The following SFXN5 variants were observed in gnomAD, a reference collection of about 807,000 sequenced individuals.
SFXN5 encodes the protein sideroflexin-5.
Under a neutral mutation model 50.2 loss-of-function variants are expected in SFXN5, and 43 were observed. That is an observed-to-expected ratio of 0.86 (90% CI 0.67 to 1.11). The LOEUF (loss-of-function observed/expected upper bound fraction) is 1.11, where lower values mean the gene tolerates loss of function less well. Among genes scored for constraint, SFXN5 ranks in the 50% least tolerant of loss-of-function variants. The probability of loss-of-function intolerance (pLI) is 0.00; values close to 1 mark genes in which losing one functional copy is unlikely to be tolerated. For missense variants in SFXN5, 463 were observed against 454.1 expected (o/e 1.02, Z -0.18); for synonymous variants, 203 against 185.8 (o/e 1.09, Z -0.75).
chr2:73,038,718 G>A (rs1679257844), intron 3 of SFXN5, among the ~76,000 whole-genome samples: 1 of 151,996 alleles, frequency 6.6e-6, no homozygotes, highest in African/African-American at 2.4e-5. Context: ...TGACTCTTTT[G>A]TAATACTTAG....
chr2:73,010,981 A>T (rs754977348), intron 6 of SFXN5, among the ~76,000 whole-genome samples: 6 of 152,358 alleles, frequency 3.9e-5, no homozygotes, highest in Admixed American at 3.9e-4. Context: ...ACCAACCACA[A>T]ACAAAGAAAG....
At chr2:73,014,072 T>C (rs947220365) in intron 6 of SFXN5, among the ~76,000 whole-genome samples, 6 of 152,196 alleles carry the variant, frequency 3.9e-5, no homozygotes, top group African/African-American at 1.4e-4. Flanking sequence ...TATTCATAAA[T>C]GTCGCCCTTG....
At chr2:73,050,405 CA>C (rs1681133143) in intron 2 of SFXN5, among the ~76,000 whole-genome samples, 1 of 152,032 alleles carries the variant, frequency 6.6e-6, no homozygotes, top group Non-Finnish European at 1.5e-5. Flanking sequence ...CACACACACA[CA>C]CACACACACA....
chr2:73,006,082 G>C (rs1323847022), intron 6 of SFXN5, among the ~76,000 whole-genome samples: 1 of 152,172 alleles, frequency 6.6e-6, no homozygotes, highest in East Asian at 1.9e-4. Flanking sequence ...GGACGTGGCA[G>C]CGTGTCAGTT....
intron 7 of SFXN5, among the ~76,000 whole-genome samples, chr2:73,001,254 T>C (rs945532384): frequency 6.6e-6 from 1 of 152,246 alleles, no homozygotes; most frequent in Admixed American, 6.5e-5. Context: ...CAAGCCAGCA[T>C]GTTCCAGGCA....
chr2:73,001,385 T>G, intron 7 of SFXN5, 140 bp downstream of exon 7: 1 of 807,372 alleles, frequency 1.2e-6, no homozygotes, highest in East Asian at 2.6e-5. Flanking sequence ...CTTCAGTGGC[T>G]TCTGGGCTAG....
intron 9 of SFXN5, chr2:72,996,928 A>G (rs1673321981): frequency 1.3e-5 from 2 of 152,252 alleles, no homozygotes; most frequent in Non-Finnish European, 2.9e-5. Context: ...AGCTCCTCTC[A>G]TCACAAGGAA....
chr2:73,001,400 G>T, intron 7 of SFXN5, 125 bp downstream of exon 7: 1 of 913,028 alleles, frequency 1.1e-6, no homozygotes, highest in Non-Finnish European at 1.8e-6. Context: ...GGCTAGGGGT[G>T]GTGTTGGGGT....
intron 2 of SFXN5, chr2:73,044,377 G>A (rs1165404653): frequency 1.3e-5 from 2 of 152,330 alleles, no homozygotes; most frequent in Non-Finnish European, 2.9e-5. Context: ...CAAAGGCCGA[G>A]GGGCTGAGGC....
intron 6 of SFXN5, 161 bp downstream of exon 6, chr2:73,020,078 A>T: frequency 1.6e-6 from 1 of 644,780 alleles, no homozygotes; most frequent in Non-Finnish European, 2.6e-6. Flanking sequence ...CAGCATCAAG[A>T]GATGTGGTAA....
At chr2:73,003,119 G>A (rs1037757149) in intron 6 of SFXN5, among the ~76,000 whole-genome samples, 41 of 151,626 alleles carry the variant, frequency 2.7e-4, no homozygotes, top group Admixed American at 5.3e-4. Flanking sequence ...CAGAGGGAGG[G>A]AGCTGAGCCT....
chr2:73,034,386 T>C (rs1231688149), intron 3 of SFXN5, among the ~76,000 whole-genome samples: 1 of 152,218 alleles, frequency 6.6e-6, no homozygotes. Flanking sequence ...CAAGTATTTT[T>C]AAGCCTGCCT....
chr2:73,010,111 T>C (rs9309467), intron 6 of SFXN5, among the ~76,000 whole-genome samples: 40,312 of 152,178 alleles, frequency 0.26, 5,714 homozygotes, highest in East Asian at 0.51. Flanking sequence ...TTATAAAAGT[T>C]ATTATGGCAT....
chr2:72,977,278 C>T (rs1670736243), intron 10 of SFXN5, among the ~76,000 whole-genome samples: 1 of 152,202 alleles, frequency 6.6e-6, no homozygotes, highest in South Asian at 2.1e-4. Flanking sequence ...AAGTAATAGA[C>T]TCCCTTATTA....
chr2:73,022,440 C>A, intron 5 of SFXN5, 82 bp downstream of exon 5: 1 of 1,071,786 alleles, frequency 9.3e-7, no homozygotes, highest in African/African-American at 1.5e-5. Context: ...CTCCTTAGGC[C>A]AGCACATCTG....
At chr2:73,043,654 C>T (rs974384640) in intron 2 of SFXN5, among the ~76,000 whole-genome samples, 5 of 152,178 alleles carry the variant, frequency 3.3e-5, no homozygotes, top group Admixed American at 6.5e-5. Context: ...GAGCCCCTTC[C>T]CGGATACGTT....
At chr2:72,985,134 C>G (rs186607084) in intron 10 of SFXN5, among the ~76,000 whole-genome samples, 1 of 152,332 alleles carries the variant, frequency 6.6e-6, no homozygotes, top group Admixed American at 6.5e-5. Context: ...CTTTCCCCAA[C>G]CTCCTTCCCA....
At chr2:72,971,934 C>T (rs1276681387) in intron 10 of SFXN5, among the ~76,000 whole-genome samples, 1 of 152,182 alleles carries the variant, frequency 6.6e-6, no homozygotes, top group Non-Finnish European at 1.5e-5. Flanking sequence ...GTTCTGGCCT[C>T]AGAGAGCGGC....
rs1016688306 is a variant in SFXN5 at position 73,006,629 on chromosome 2, A to C, written c.358-5051T>G. ...AGAGCCCAAAGAGCGAGATTATCTC[A>C]AAAAAAAAAAAAATGCTCACGTATG... On this transcript the variant is annotated intron_variant, in intron 6 of 13. Coordinates refer to ENST00000272433, the MANE Select transcript of SFXN5 (RefSeq NM_144579.3). Among the ~76,000 whole-genome samples the C allele has an allele frequency of 1.5e-3, 131 of 89,548 alleles. 2 individuals are homozygous for C. The highest frequency in any genetic ancestry group is 4.2e-3 in the African/African-American group (125 of 29,830). The allele number at this position is 89,548 out of a possible 152,430, so 58.7% of individuals were successfully genotyped here. A position where few individuals can be genotyped will look rare whatever the true frequency, so the allele number is the denominator to read the frequency against.
Sources: gnomAD v4.1 joint callset for allele counts (sites outside exome capture counted in the v4.1 genomes callset) on GRCh38, gnomAD v4.1.1 for gene constraint, MANE v1.5 for transcripts, NCBI Gene and HGNC (gene_info 2026-07-23, HGNC 2026-07-21) for gene names.